DEPTOR: variants seen among roughly 807,000 people sequenced by gnomAD.
The protein encoded by DEPTOR is DEP domain-containing mTOR-interacting protein.
DEPTOR carries 41 observed loss-of-function variants against 41.6 expected under a neutral mutation model. The observed-to-expected ratio is 0.98, with a 90% CI of 0.77 to 1.28. DEPTOR has a LOEUF of 1.28. Among genes scored for constraint, DEPTOR ranks in the 50% most tolerant of loss-of-function variants. The pLI is 0.00. For synonymous variants in DEPTOR, 195 were observed against 192.3 expected, an observed-to-expected ratio of 1.01 and a Z score of -0.12; for missense variants, 514 against 527.9, an observed-to-expected ratio of 0.97 and a Z score of 0.26.
Position 119,961,200 on chromosome 8 carries a change from TG to T in DEPTOR, c.426-4031del, listed in dbSNP as rs1350058437. On this transcript the variant is annotated intron_variant, in intron 3 of 8. Transcript: ENST00000286234. ...GGGAGGCTGAGGCGGGTGGATCACC[TG>T]AGGTTGGGAGTTCGAGACCAGCCTG... Among the ~76,000 whole-genome samples the T allele has an allele frequency of 3.6e-4, 55 of 152,192 alleles. 1 individual carries two copies. Among genetic ancestry groups the T allele is most frequent in the African/African-American group, 1.3e-3 (53 of 41,554 alleles).
intron 1 of DEPTOR, among the ~76,000 whole-genome samples, chr8:119,880,129 G>A (rs990135339): frequency 1.4e-5 from 2 of 143,922 alleles, no homozygotes; most frequent in South Asian, 2.1e-4. Context: ...GTGACAGAGC[G>A]GGACTCCGTC....
chr8:120,011,789 A>T (rs892381125), intron 8 of DEPTOR, among the ~76,000 whole-genome samples: 15 of 152,152 alleles, frequency 9.9e-5, no homozygotes, highest in Non-Finnish European at 7.3e-5. Flanking sequence ...TCGATGTTTT[A>T]CCTGATATAT....
At chr8:120,004,252 T>C (rs1812399483) in intron 6 of DEPTOR, among the ~76,000 whole-genome samples, 1 of 152,210 alleles carries the variant, frequency 6.6e-6, no homozygotes, top group Non-Finnish European at 1.5e-5. Flanking sequence ...TGATCTAACT[T>C]TTTTTCTTTT....
At chr8:119,969,780 C>G (rs1358403395) in intron 4 of DEPTOR, 2 of 152,142 alleles carry the variant, frequency 1.3e-5, no homozygotes, top group Admixed American at 6.5e-5. Flanking sequence ...TGATAGGTCA[C>G]AGGTTGTAAC....
rs181376308 is a variant in DEPTOR, at chr8:119,931,272, G to A, written c.425+1334G>A. Among the ~76,000 whole-genome samples, 115 of 152,158 alleles carry A rather than the reference G, an allele frequency of 7.6e-4. No homozygotes were observed. In the Middle Eastern group the frequency reaches 0.01, roughly 14 times the overall value. On this transcript the variant is annotated intron_variant, in intron 3 of 8. Coordinates refer to ENST00000286234, the MANE Select transcript of DEPTOR (RefSeq NM_022783.4). ...AAGAGCCTGTTGTACAGTGGTTGGG[G>A]GTAAGGGTCTGGGTGGGTGTCTGAG...
At chr8:119,959,746 G>T (rs965943347) in intron 3 of DEPTOR, among the ~76,000 whole-genome samples, 2 of 151,928 alleles carry the variant, frequency 1.3e-5, no homozygotes, top group South Asian at 2.1e-4. Flanking sequence ...GGCCAGGCTG[G>T]TCTTAAACTC....
intron 3 of DEPTOR, among the ~76,000 whole-genome samples, chr8:119,953,768 A>G (rs910611346): frequency 3.3e-5 from 5 of 149,904 alleles, no homozygotes; most frequent in African/African-American, 1.2e-4. Context: ...GGGTCTTATG[A>G]CCTACAGTCA....
chr8:119,912,131 A>G (rs1486276499), intron 1 of DEPTOR, among the ~76,000 whole-genome samples: 3 of 152,224 alleles, frequency 2.0e-5, no homozygotes, highest in East Asian at 3.8e-4. Flanking sequence ...AGGCTGAGGC[A>G]TTTGAATTTG....
chr8:120,013,123 C>T (rs1054411870), intron 8 of DEPTOR, among the ~76,000 whole-genome samples: 14 of 148,678 alleles, frequency 9.4e-5, no homozygotes, highest in African/African-American at 3.5e-4. Context: ...CACCATTGCA[C>T]TCCAGCCTGG....
chr8:119,972,051 C>T (rs1039732007), intron 4 of DEPTOR, among the ~76,000 whole-genome samples: 25 of 152,296 alleles, frequency 1.6e-4, no homozygotes, highest in African/African-American at 4.8e-4. Flanking sequence ...CCCCATAAGC[C>T]GGCCCTTCCG....
intron 4 of DEPTOR, among the ~76,000 whole-genome samples, chr8:119,974,206 C>T (rs1828668121): frequency 7.5e-6 from 1 of 132,794 alleles, no homozygotes. Flanking sequence ...CGGGACCAGC[C>T]TGGGAAACAT....
rs1828514402 is a variant in DEPTOR, at chr8:119,963,222, G to A, written c.426-2010G>A. 2.0e-5 allele frequency among the ~76,000 whole-genome samples: 3 copies of A among 152,312 alleles called. No homozygotes were observed. In the South Asian group the frequency reaches 6.2e-4, roughly 32 times the overall value. On this transcript the variant is annotated intron_variant, in intron 3 of 8. Transcript: ENST00000286234. The stretch of plus-strand genomic sequence containing the variant: ...AATTCCAGCCTTTAAAGTCCAGGGA[G>A]ATGCAGATAAGCCAACACAAGGATG...
intron 1 of DEPTOR, among the ~76,000 whole-genome samples, chr8:119,927,247 G>A (rs182404691): frequency 2.5e-4 from 38 of 152,244 alleles, no homozygotes; most frequent in South Asian, 8.3e-4. Flanking sequence ...GCAACATTCC[G>A]TGCCATGGAG....
intron 1 of DEPTOR, 68 bp downstream of exon 1, chr8:119,874,036 G>A: frequency 1.3e-6 from 2 of 1,591,960 alleles, no homozygotes; most frequent in Non-Finnish European, 1.7e-6. Context: ...GCAGTCCTGC[G>A]CGCACGCGCT....
chr8:119,954,522 T>C (rs893709697), intron 3 of DEPTOR, among the ~76,000 whole-genome samples: 1 of 152,160 alleles, frequency 6.6e-6, no homozygotes, highest in Non-Finnish European at 1.5e-5. Flanking sequence ...TTCTGAAGCA[T>C]CTTTTTGACC....
intron 1 of DEPTOR, among the ~76,000 whole-genome samples, chr8:119,897,836 T>C (rs1286982918): frequency 6.6e-6 from 1 of 152,224 alleles, no homozygotes; most frequent in African/African-American, 2.4e-5. Context: ...AAGGGGTATT[T>C]GAGGTACATG....
chr8:119,928,556 A>T lies in DEPTOR; in HGVS notation c.279A>T (p.Ala93=). Residue 93 remains alanine, a synonymous_variant, in exon 2 of 9, where the codon GCA becomes GCT. Coordinates refer to ENST00000286234, the MANE Select transcript of DEPTOR (RefSeq NM_022783.4). ...CAATTAAACTCATGCAGAAATTAGC[A>T]GACCGGGGCATTATTCACCATGGTG... ...ETAIKLMQKL[A]DRGIIHHVCD... 2 of 1,614,178 alleles carry T rather than the reference A, an allele frequency of 1.2e-6. No homozygotes were observed. The highest frequency in any genetic ancestry group is 2.2e-5 in the South Asian group (2 of 91,076).
intron 3 of DEPTOR, among the ~76,000 whole-genome samples, chr8:119,959,951 C>T (rs1387555837): frequency 2.0e-5 from 3 of 152,046 alleles, no homozygotes; most frequent in Non-Finnish European, 4.4e-5. Context: ...ATTCATGGGC[C>T]AGGCGCAGTG....
intron 1 of DEPTOR, among the ~76,000 whole-genome samples, chr8:119,880,825 G>A (rs1827289012): frequency 6.6e-6 from 1 of 152,208 alleles, no homozygotes; most frequent in Admixed American, 6.5e-5. Context: ...GAGAATGGGA[G>A]TAGGGTAAGG....
Sources: gnomAD v4.1 joint callset for allele counts (sites outside exome capture counted in the v4.1 genomes callset) on GRCh38, gnomAD v4.1.1 for gene constraint, MANE v1.5 for transcripts, NCBI Gene and HGNC (gene_info 2026-07-23, HGNC 2026-07-21) for gene names.